Variants in UHRF2 observed in about 807,000 individuals in gnomAD.
UHRF2 encodes E3 ubiquitin-protein ligase UHRF2.
Under a neutral mutation model 96.8 loss-of-function variants are expected in UHRF2, and 23 were observed. The ratio of observed to expected loss-of-function variants is 0.24; its 90% CI spans 0.17 to 0.34. UHRF2 has a LOEUF of 0.34. Ranked by LOEUF, UHRF2 falls within the 10% of genes least tolerant of loss-of-function variation. The pLI, the probability that UHRF2 is intolerant of heterozygous loss-of-function variation, is 1.00. For synonymous variants in UHRF2, 385 were observed against 332.6 expected (o/e 1.16, Z -1.72); for missense variants, 685 against 981.5 (o/e 0.70, Z 4.04).
intron 4 of UHRF2, among the ~76,000 whole-genome samples, chr9:6,465,927 A>T (rs1237588772): frequency 6.6e-6 from 1 of 152,172 alleles, no homozygotes; most frequent in East Asian, 1.9e-4. Context: ...TTTTCTATTT[A>T]TTTTAGCTTT....
intron 6 of UHRF2, among the ~76,000 whole-genome samples, chr9:6,480,087 G>A (rs1265468728): frequency 2.6e-5 from 4 of 151,952 alleles, no homozygotes; most frequent in Non-Finnish European, 5.9e-5. Flanking sequence ...CTCTAACTTC[G>A]GTTGCTTATC....
chr9:6,431,911 A>G (rs1820580439), intron 2 of UHRF2, among the ~76,000 whole-genome samples: 1 of 152,212 alleles, frequency 6.6e-6, no homozygotes, highest in Non-Finnish European at 1.5e-5. Context: ...CTGCTATGCA[A>G]TATTTTTATA....
intron 2 of UHRF2, among the ~76,000 whole-genome samples, chr9:6,424,413 C>T (rs952893625): frequency 6.6e-6 from 1 of 152,154 alleles, no homozygotes; most frequent in Non-Finnish European, 1.5e-5. Flanking sequence ...AGCCAACTTG[C>T]CATTTTTTTC....
At chr9:6,499,996 G>C in intron 13 of UHRF2, 65 bp downstream of exon 13, 6 of 1,267,810 alleles carry the variant, frequency 4.7e-6, no homozygotes, top group African/African-American at 1.5e-5. Context: ...TGTTGAGACG[G>C]GGTCTCACTC....
At chr9:6,459,900 G>A (rs937620362) in intron 3 of UHRF2, among the ~76,000 whole-genome samples, 2 of 152,220 alleles carry the variant, frequency 1.3e-5, no homozygotes, top group African/African-American at 4.8e-5. Context: ...TTGAGCCCAG[G>A]AGTTTGAGGC....
intron 8 of UHRF2, among the ~76,000 whole-genome samples, chr9:6,483,672 G>A (rs147246598): frequency 3.3e-5 from 5 of 152,104 alleles, no homozygotes; most frequent in South Asian, 2.1e-4. Flanking sequence ...TTTTAAAAAC[G>A]CGCCCTACTT....
At chr9:6,428,068 G>A (rs561187373) in intron 2 of UHRF2, among the ~76,000 whole-genome samples, 27 of 152,174 alleles carry the variant, frequency 1.8e-4, no homozygotes, top group Non-Finnish European at 3.8e-4. Context: ...AATGATGATG[G>A]TAAGCCTTTA....
intron 3 of UHRF2, among the ~76,000 whole-genome samples, chr9:6,458,148 T>C (rs1249214454): frequency 6.6e-6 from 1 of 152,230 alleles, no homozygotes; most frequent in Non-Finnish European, 1.5e-5. Flanking sequence ...TAGGCTTTTT[T>C]TGGTTGGAAC....
rs543592403 is a variant in UHRF2 at position 6,505,624 on chromosome 9, A to G, written c.2263-409A>G. On this transcript the variant is annotated intron_variant, in intron 15 of 15. Transcript: ENST00000276893. ...TAAGTATATTTTTTGAAGACTCACC[A>G]TATGTGTTAAGTGGTTTGGTAAAAT... Among the ~76,000 whole-genome samples the G allele has an allele frequency of 5.3e-5, 8 of 152,304 alleles. No homozygotes were observed. In the East Asian group the frequency reaches 1.5e-3, roughly 29 times the overall value.
intron 9 of UHRF2, among the ~76,000 whole-genome samples, 176 bp from the exon 10 acceptor site, chr9:6,493,650 G>A (rs180898402): frequency 6.6e-6 from 1 of 152,294 alleles, no homozygotes; most frequent in Admixed American, 6.5e-5. Context: ...CAAGTTATAT[G>A]ACTTGAAAGT....
intron 3 of UHRF2, among the ~76,000 whole-genome samples, chr9:6,438,131 T>A (rs380674): frequency 0.7 from 106,978 of 152,128 alleles, 40,016 homozygotes; most frequent in South Asian, 0.82. Flanking sequence ...GGATTATGAT[T>A]GTTCCCATAT....
intron 3 of UHRF2, among the ~76,000 whole-genome samples, chr9:6,457,316 A>T (rs1392767238): frequency 6.6e-6 from 1 of 151,984 alleles, no homozygotes; most frequent in African/African-American, 2.4e-5. Context: ...TTTGTCTGTT[A>T]TTGGTGTATA....
chr9:6,500,650 G>A lies in UHRF2; in HGVS notation c.2104G>A (p.Glu702Lys). The A allele has an allele frequency of 6.2e-7, 1 of 1,613,944 alleles. No individual in the cohort carries two copies. Among genetic ancestry groups the A allele is most frequent in the South Asian group, 1.1e-5 (1 of 91,050 alleles). Residue 702 changes from glutamate to lysine, a missense_variant, in exon 14 of 16, where the codon GAA becomes AAA. Around this residue, in one of 6 missense-constraint regions of UHRF2, gnomAD observed 99 missense variants for 73.5 expected, o/e 1.35. Transcript: ENST00000276893. ...TCCTCAACAGCAACATCTCATCAGA[G>A]AAGATTGTCAAAACCAGAAGCTGTG... ...LTPQQQHLIR[E>K]DCQNQKLWDE...
At chr9:6,493,959 T>C in intron 10 of UHRF2, 27 bp downstream of exon 10, 1 of 1,592,506 alleles carries the variant, frequency 6.3e-7, no homozygotes, top group African/African-American at 1.3e-5. Flanking sequence ...TGTTTAGAAT[T>C]TGAACATTGA....
At chr9:6,423,978 G>A (rs1820087258) in intron 2 of UHRF2, among the ~76,000 whole-genome samples, 1 of 143,906 alleles carries the variant, frequency 6.9e-6, no homozygotes, top group Non-Finnish European at 1.5e-5. Context: ...AGGAACTCTT[G>A]ATAAGAGGAA....
intron 2 of UHRF2, among the ~76,000 whole-genome samples, chr9:6,426,497 A>G (rs1432638647): frequency 6.6e-6 from 1 of 152,236 alleles, no homozygotes; most frequent in Non-Finnish European, 1.5e-5. Context: ...AGTTGAAGCT[A>G]CTGTAGATTT....
At chr9:6,420,351 G>A (rs1252176017) in intron 1 of UHRF2, among the ~76,000 whole-genome samples, 1 of 146,340 alleles carries the variant, frequency 6.8e-6, no homozygotes, top group Non-Finnish European at 1.5e-5. Flanking sequence ...CACCGCGCCC[G>A]GCCCATTTTT....
chr9:6,485,818 A>C (rs1278859938), intron 8 of UHRF2, among the ~76,000 whole-genome samples: 5 of 150,876 alleles, frequency 3.3e-5, no homozygotes, highest in South Asian at 2.1e-4. Flanking sequence ...AAAAAAAAAA[A>C]AAAAAAAAAA....
chr9:6,433,932 G>T lies in UHRF2; in HGVS notation c.403G>T (p.Ala135Ser). Residue 135 changes from alanine to serine, a missense_variant, in exon 3 of 16, where the codon GCC (alanine) becomes TCC (serine). Ala to Ser is a moderately conservative substitution (Grantham distance 99). Coordinates refer to ENST00000276893, the MANE Select transcript of UHRF2 (RefSeq NM_152896.3). ...TTTTTAGGTAAATGAATTGGTGGAT[G>T]CCAGAGATGTCGGCCTTGGTGCTTG... The part of the protein sequence containing the change: ...GIYKVNELVD[A>S]RDVGLGAWFE... The T allele has an allele frequency of 1.9e-6, 3 of 1,608,922 alleles. No individual in the cohort carries two copies. Among genetic ancestry groups the T allele is most frequent in the Non-Finnish European group, 2.6e-6 (3 of 1,175,772 alleles).
Sources: allele counts gnomAD v4.1 joint callset (sites outside exome capture counted in the v4.1 genomes callset), GRCh38; gene constraint gnomAD v4.1.1; regional missense constraint gnomAD v4.1.1; transcripts MANE v1.5; gene names NCBI Gene and HGNC (gene_info 2026-07-23, HGNC 2026-07-21).